Variants in A1BG observed in about 807,000 individuals in gnomAD.
A1BG encodes alpha-1-B glycoprotein.
A neutral mutation model predicts 46.0 loss-of-function variants in A1BG; 44 were observed. The ratio of observed to expected loss-of-function variants is 0.96; its 90% CI spans 0.75 to 1.23. The LOEUF (loss-of-function observed/expected upper bound fraction) is 1.23, where lower values mean the gene tolerates loss of function less well. Among genes scored for constraint, A1BG ranks in the 50% most tolerant of loss-of-function variants. The probability of loss-of-function intolerance (pLI) is 0.00; values close to 1 mark genes in which losing one functional copy is unlikely to be tolerated. For synonymous variants in A1BG, 316 were observed against 314.7 expected, an observed-to-expected ratio of 1.00 and a Z score of -0.04; for missense variants, 707 against 688.8, an observed-to-expected ratio of 1.03 and a Z score of -0.30.
chr19:58,350,293 AGGAAAGAGG>A, intron 6 of A1BG, 68 bp downstream of exon 6: 1 of 1,451,076 alleles, frequency 6.9e-7, no homozygotes, highest in Non-Finnish European at 9.1e-7. Flanking sequence ...CGGACGCCCA[AGGAAAGAGG>A]GGAAAGACAG....
chr19:58,347,552 G>T lies in A1BG; in HGVS notation c.1281C>A (p.Ile427=), dbSNP rs771083874. ...RDAVLRCEGP[I]PDVTFELLRE... is the part of the protein sequence containing the mutation. ...GCAGCAGCTCGAAGGTGACGTCGGG[G>T]ATGGGTCCCTCGCAGCGCAGGACGG... Residue 427 remains isoleucine, a synonymous_variant, in exon 7 of 8, where the codon ATC becomes ATA. Coordinates refer to ENST00000263100, the MANE Select transcript of A1BG (RefSeq NM_130786.4). The T allele has an allele frequency of 6.4e-7, 1 of 1,566,452 alleles. No homozygotes were observed. The highest frequency in any genetic ancestry group is 1.2e-5 in the South Asian group (1 of 86,396).
At position 58,351,609 on chromosome 19, in the gene A1BG, G is replaced by A. The variant is rs777352864; in HGVS notation, c.692C>T (p.Thr231Ile). ...VLHPGNKVTL[T>I]CVAPLSGVDF... ...CACTCCACTCAGGGGAGCCACGCAG[G>A]TGAGGGTCACCTTGTTGCCAGGGTG... is the stretch of plus-strand genomic sequence containing the variant. The change falls in exon 5 of 8, where the codon ACC becomes ATC. Residue 231 changes from threonine (T) to isoleucine (I), a missense_variant. Coordinates refer to ENST00000263100, the MANE Select transcript of A1BG (RefSeq NM_130786.4). 5.0e-6 allele frequency: 8 copies of A among 1,613,584 alleles called. No homozygotes were observed. Among genetic ancestry groups the A allele is most frequent in the African/African-American group, 2.7e-5 (2 of 74,928 alleles).
At chr19:58,347,178 G>A (rs1949464905) in intron 7 of A1BG, 149 bp from the exon 8 acceptor site, 1 of 1,334,212 alleles carries the variant, frequency 7.5e-7, no homozygotes, top group Non-Finnish European at 1.0e-6. Flanking sequence ...GCCTCCAGCT[G>A]CAGGGCCTTT....
At chr19:58,351,193 G>T (rs1600504946) in intron 5 of A1BG, 198 bp downstream of exon 5, 1 of 704,384 alleles carries the variant, frequency 1.4e-6, no homozygotes, top group Non-Finnish European at 2.4e-6. Flanking sequence ...TGTTCACCCA[G>T]TTATTCCCTG....
At position 58,351,426 on chromosome 19, in the gene A1BG, C is replaced by T. The variant is rs1158922776; in HGVS notation, c.875G>A (p.Gly292Glu). 4 of 1,613,016 alleles carry T rather than the reference C, an allele frequency of 2.5e-6. No homozygotes were observed. The highest frequency in any genetic ancestry group is 3.4e-6 in the Non-Finnish European group (4 of 1,180,014). ...AATCAGCTCGACCGGCGCGCTGTCC[C>T]CGGACCAGCCGTTTTGGTTGTCATG... Reference protein sequence around the residue: ...RLHDNQNGWSGDSAPVELILS... With the variant: ...RLHDNQNGWSEDSAPVELILS... The change falls in exon 5 of 8, where the codon GGG becomes GAG. Residue 292 changes from glycine to glutamate, a missense_variant. Gly to Glu is a moderately conservative substitution (Grantham distance 98). Coordinates refer to ENST00000263100, the MANE Select transcript of A1BG (RefSeq NM_130786.4).
chr19:58,348,906 T>G (rs1300851158), intron 6 of A1BG: 2 of 152,490 alleles, frequency 1.3e-5, no homozygotes, highest in African/African-American at 4.8e-5. Flanking sequence ...GTTATGTCAG[T>G]GGGACTGTGT....
At chr19:58,351,722 C>T in intron 4 of A1BG, 35 bp from the exon 5 acceptor site, 2 of 1,542,868 alleles carry the variant, frequency 1.3e-6, no homozygotes, top group South Asian at 2.4e-5. Flanking sequence ...GCTGCCCCAT[C>T]CCTGGAGCTG....
rs746922135 is a variant in A1BG at position 58,352,502 on chromosome 19, C to T, written c.394G>A (p.Gly132Ser). Residue 132 changes from glycine to serine, a missense_variant, in exon 4 of 8, where the codon GGC becomes AGC. Physicochemically the swap from Gly to Ser is moderately conservative, Grantham distance 56. Transcript: ENST00000263100. ...CGGCACACTGCTGTTGTTTTCAGGC[C>T]GGGGGTGATCCAGGACACTGGCGCC... ...SMAPVSWITPGLKTTAVCRGV... is the reference protein window; with the variant it reads ...SMAPVSWITPSLKTTAVCRGV... The T allele has an allele frequency of 1.9e-5, 31 of 1,612,700 alleles. No individual in the cohort carries two copies. The African/African-American group carries it at 2.4e-4, about 13-fold the overall frequency.
chr19:58,352,782 C>G, intron 3 of A1BG, 146 bp downstream of exon 3: 2 of 1,300,432 alleles, frequency 1.5e-6, no homozygotes, highest in Non-Finnish European at 2.1e-6. Flanking sequence ...CCATGTATTC[C>G]TTACAACACA....
intron 7 of A1BG, 79 bp from the exon 8 acceptor site, chr19:58,347,108 T>A: frequency 1.1e-5 from 17 of 1,552,278 alleles, no homozygotes; most frequent in Non-Finnish European, 1.5e-5. Context: ...AAGGCCGACC[T>A]CCCTGACGCC....
In A1BG at chr19:58,345,706, AAAC is replaced by A. The variant is rs1360720417; in HGVS notation, c.*1313_*1315del. The A allele has an allele frequency of 6.6e-6, 1 of 152,488 alleles. No individual in the cohort carries two copies. Among genetic ancestry groups the A allele is most frequent in the East Asian group, 1.9e-4 (1 of 5,210 alleles). The allele number at this position is 152,488 out of a possible 1,614,324, so 9.4% of individuals were successfully genotyped here. ...ACAAGAAAAGGTTTTAAAAATTGATAAACCACTAGCAAGAAAGAGAGAGAGGAC... is the reference window on the plus strand; with the variant it reads ...ACAAGAAAAGGTTTTAAAAATTGATACACTAGCAAGAAAGAGAGAGAGGAC... On this transcript the variant is annotated 3_prime_UTR_variant, in exon 8 of 8. Coordinates refer to ENST00000263100, the MANE Select transcript of A1BG (RefSeq NM_130786.4).
chr19:58,345,799 T>G lies in A1BG; in HGVS notation c.*1223A>C, dbSNP rs576099617. 2 of 152,368 alleles carry G rather than the reference T, an allele frequency of 1.3e-5. No individual in the cohort carries two copies. The highest frequency in any genetic ancestry group is 1.3e-4 in the Admixed American group (2 of 15,306). 9.4% of individuals were successfully genotyped at this position (152,368 alleles called of 1,614,324 possible). On this transcript the variant is annotated 3_prime_UTR_variant, in exon 8 of 8. Coordinates refer to ENST00000263100, the MANE Select transcript of A1BG (RefSeq NM_130786.4). Reference sequence around the variant, plus strand: ...CAGACATTAAAAGGCATAGGCATATTAGGAACTAGATATTACTAAGGCAGT... The same window carrying G: ...CAGACATTAAAAGGCATAGGCATATGAGGAACTAGATATTACTAAGGCAGT...
intron 3 of A1BG, 35 bp from the exon 4 acceptor site, chr19:58,352,590 A>G (rs778923153): frequency 7.5e-6 from 12 of 1,591,322 alleles, no homozygotes; most frequent in South Asian, 1.1e-5. Context: ...GTGCTTCTGC[A>G]TAACAGGAGA....
At position 58,347,001 on chromosome 19, in the gene A1BG, C is replaced by T. The variant is rs369421999; in HGVS notation, c.*21G>A. ...CCGGCACTTCTGAGGACACCAACAG[C>T]ACCCTGGGCCCGCGGCTGCATCAGC... On this transcript the variant is annotated 3_prime_UTR_variant, in exon 8 of 8. Coordinates refer to ENST00000263100, the MANE Select transcript of A1BG (RefSeq NM_130786.4). 3.1e-6 allele frequency: 5 copies of T among 1,614,030 alleles called. No individual in the cohort carries two copies. In the African/African-American group the frequency reaches 6.7e-5, roughly 22 times the overall value.
chr19:58,351,848 G>A, intron 4 of A1BG, 161 bp from the exon 5 acceptor site: 6 of 793,582 alleles, frequency 7.6e-6, no homozygotes, highest in Non-Finnish European at 1.2e-5. Context: ...CCAGGCTGGA[G>A]TGCAGTGGCG....
chr19:58,352,158 C>T (rs770907693), intron 4 of A1BG, 125 bp downstream of exon 4: 18 of 1,513,976 alleles, frequency 1.2e-5, no homozygotes, highest in Middle Eastern at 2.5e-4. Context: ...CCCAGGCAAC[C>T]GTGTGGCCAG....
intron 6 of A1BG, 125 bp downstream of exon 6, chr19:58,350,245 G>A: frequency 8.1e-7 from 1 of 1,241,528 alleles, no homozygotes; most frequent in Non-Finnish European, 1.1e-6. Context: ...CGCCGGGGTA[G>A]GCGATGGGGG....
In A1BG at chr19:58,353,079, AT is replaced by A. The variant is rs2051978876; in HGVS notation, c.188del (p.Asn63MetfsTer21). 1 of 1,614,014 alleles carries A rather than the reference AT, an allele frequency of 6.2e-7. No individual in the cohort carries two copies. Among genetic ancestry groups the A allele is most frequent in the South Asian group, 1.1e-5 (1 of 91,090 alleles). On this transcript the variant is annotated frameshift_variant, in exon 3 of 8. Coordinates refer to ENST00000263100, the MANE Select transcript of A1BG (RefSeq NM_130786.4). LOFTEE classifies it high-confidence loss of function. ...LETPDFQLFK[N>X]GVAQEPVHLD... ...GGTGCACAGGCTCCTGGGCCACCCC[AT>A]TCTTGAACAGCTGGAAGTCTGGAGT...
chr19:58,348,053 T>G (rs1046680822), intron 6 of A1BG, among the ~76,000 whole-genome samples: 5 of 152,176 alleles, frequency 3.3e-5, no homozygotes, highest in Admixed American at 2.6e-4. Context: ...AGTTTAACTT[T>G]AAAAGTGTAT....
Sources: allele counts gnomAD v4.1 joint callset (sites outside exome capture counted in the v4.1 genomes callset), GRCh38; gene constraint gnomAD v4.1.1; transcripts MANE v1.5; gene names NCBI Gene and HGNC (gene_info 2026-07-23, HGNC 2026-07-21).